The following ATP7B variants were observed in gnomAD, a reference collection of about 807,000 sequenced individuals.
ATP7B encodes the protein ATPase copper transporting beta.
In ATP7B, 113 loss-of-function variants were observed where a neutral mutation model predicts 118.9. That is an observed-to-expected ratio of 0.95 (90% confidence interval 0.82 to 1.11). The LOEUF is 1.11. ATP7B is among the 50% of genes most tolerant of loss of function. ATP7B has a pLI of 0.00. For missense variants in ATP7B, 1,867 were observed against 1,871.4 expected (o/e 1.00, Z 0.04); for synonymous variants, 777 against 727.4 (o/e 1.07, Z -1.10).
At chr13:51,992,854 T>G (rs1002773548) in intron 1 of ATP7B, among the ~76,000 whole-genome samples, 1 of 151,620 alleles carries the variant, frequency 6.6e-6, no homozygotes, top group Non-Finnish European at 1.5e-5. Context: ...GTCAGGTGCC[T>G]GTAGTCCCAG....
intron 2 of ATP7B, among the ~76,000 whole-genome samples, chr13:51,973,669 T>C (rs949149027): frequency 5.3e-5 from 8 of 152,214 alleles, no homozygotes; most frequent in African/African-American, 1.9e-4. Flanking sequence ...TCTTTATAAA[T>C]TACCCAAATT....
intron 9 of ATP7B, among the ~76,000 whole-genome samples, chr13:51,952,805 T>C (rs571598134): frequency 3.3e-5 from 5 of 152,350 alleles, no homozygotes; most frequent in Non-Finnish European, 5.9e-5. Flanking sequence ...ATGCTTAGTA[T>C]GGCACCTGTA....
chr13:51,959,912 T>C (rs1348997862), intron 7 of ATP7B: 3 of 561,138 alleles, frequency 5.3e-6, no homozygotes, highest in African/African-American at 1.9e-5. Context: ...TGCAATCAAC[T>C]GAAACTGACA....
intron 1 of ATP7B, among the ~76,000 whole-genome samples, chr13:52,008,739 CTCTGAAA>C (rs1444248080): frequency 6.6e-6 from 1 of 152,226 alleles, no homozygotes; most frequent in African/African-American, 2.4e-5. Flanking sequence ...TAGGCTACTT[CTCTGAAA>C]TCTGAATCAT....
chr13:51,960,157 G>C lies in ATP7B; in HGVS notation c.2112C>G (p.Thr704=). 1 of 1,613,890 alleles carries C rather than the reference G, an allele frequency of 6.2e-7. No homozygotes were observed. ...ACTTTCTCATATATACCTGGACAAA[G>C]GTACACAAGATAAAGAAGATGAGAT... ...ILNLIFFILC[T]FVQLLGGWYF... Residue 704 remains threonine (T), a synonymous_variant, in exon 7 of 21, where the codon ACC becomes ACG. Coordinates refer to ENST00000242839, the MANE Select transcript of ATP7B (RefSeq NM_000053.4).
chr13:51,987,879 C>T (rs908339921), intron 1 of ATP7B, among the ~76,000 whole-genome samples: 1 of 152,124 alleles, frequency 6.6e-6, no homozygotes, highest in African/African-American at 2.4e-5. Flanking sequence ...AAACTGGACC[C>T]CTTCCTTACA....
At chr13:51,943,905 A>T (rs1957489458) in intron 14 of ATP7B, among the ~76,000 whole-genome samples, 1 of 151,908 alleles carries the variant, frequency 6.6e-6, no homozygotes, top group Non-Finnish European at 1.5e-5. Flanking sequence ...AATGCCTGTG[A>T]CACTGAACTC....
chr13:52,011,736 G>A (rs749629764), upstream of ATP7B, among the ~76,000 whole-genome samples: 20 of 152,246 alleles, frequency 1.3e-4, no homozygotes, highest in Non-Finnish European at 2.2e-4. Flanking sequence ...TGCCGGCGCC[G>A]CAGGGCGGAG....
At position 52,011,431 on chromosome 13, in the gene ATP7B, G is replaced by A. The variant is rs1951159237; in HGVS notation, c.-94C>T. 6.4e-7 allele frequency: 1 copy of A among 1,551,732 alleles called. No homozygotes were observed. Among genetic ancestry groups the A allele is most frequent in the East Asian group, 2.3e-5 (1 of 43,878 alleles). On this transcript the variant is annotated 5_prime_UTR_variant, in exon 1 of 21. Transcript: ENST00000242839. ...AGAGCGGGGTGTTAAAGTCCCGGGA[G>A]AGGAGGCGCAGAGTGTGAGGGCATC...
chr13:51,974,594 G>C lies in ATP7B; in HGVS notation c.626C>G (p.Ala209Gly), dbSNP rs1952012729. 6.2e-7 allele frequency: 1 copy of C among 1,613,896 alleles called. No homozygotes were observed. Among genetic ancestry groups the C allele is most frequent in the Non-Finnish European group, 8.5e-7 (1 of 1,179,916 alleles). The part of the protein sequence containing the change: ...DHVNDMGFEA[A>G]IKSKVAPLSL... ...TAAGGGAGCCACTTTGCTCTTGATGGCAGCTTCAAATCCCATGTCATTTAC... is the reference window on the plus strand; with the variant it reads ...TAAGGGAGCCACTTTGCTCTTGATGCCAGCTTCAAATCCCATGTCATTTAC... Residue 209 changes from alanine (A) to glycine (G), a missense_variant, in exon 2 of 21, where the codon GCC (alanine) becomes GGC (glycine). Transcript: ENST00000242839.
rs556540478 is a variant in ATP7B at position 51,975,797 on chromosome 13, C to G, written c.52-629G>C. On this transcript the variant is annotated intron_variant, in intron 1 of 20. Coordinates refer to ENST00000242839, the MANE Select transcript of ATP7B (RefSeq NM_000053.4). ...GGTGGGCCACATGCCTGTGAAAAAG[C>G]TTTGGAGGTATGCTCCCTGGGCGAG... 9.2e-5 allele frequency among the ~76,000 whole-genome samples: 14 copies of G among 152,300 alleles called. No homozygotes were observed. The South Asian group carries it at 2.9e-3, about 32-fold the overall frequency.
At chr13:51,945,657 C>G (rs1222307077) in intron 13 of ATP7B, among the ~76,000 whole-genome samples, 1 of 152,230 alleles carries the variant, frequency 6.6e-6, no homozygotes, top group Non-Finnish European at 1.5e-5. Context: ...ACTCAGTCAG[C>G]TTTGCTATTT....
intron 1 of ATP7B, among the ~76,000 whole-genome samples, chr13:52,004,458 T>C (rs1953678050): frequency 6.6e-6 from 1 of 152,218 alleles, no homozygotes; most frequent in African/African-American, 2.4e-5. Flanking sequence ...TTCAGGTTCC[T>C]ATGTAAGCAA....
At chr13:52,012,093 G>C (rs1296975901), upstream of ATP7B, 9 of 515,106 alleles carry the variant, frequency 1.7e-5, no homozygotes, top group African/African-American at 5.8e-5. Context: ...GGCCGGGAAC[G>C]GGGGCGCAGG....
At chr13:51,938,977 G>A (rs1354123320) in intron 17 of ATP7B, 74 bp downstream of exon 17, 1 of 1,609,674 alleles carries the variant, frequency 6.2e-7, no homozygotes, top group Admixed American at 1.7e-5. Context: ...TCAGTGCTGG[G>A]CCAACTGGTG....
chr13:51,956,784 C>T (rs928252461), intron 9 of ATP7B, among the ~76,000 whole-genome samples: 2 of 152,124 alleles, frequency 1.3e-5, no homozygotes, highest in African/African-American at 4.8e-5. Flanking sequence ...AATACAGAAG[C>T]CTTAATTAGA....
At chr13:51,970,425 T>A in intron 3 of ATP7B, 67 bp downstream of exon 3, 1 of 1,605,504 alleles carries the variant, frequency 6.2e-7, no homozygotes, top group East Asian at 2.2e-5. Context: ...TTGCTGGGTA[T>A]TCTGAAGGGA....
Position 51,950,382 on chromosome 13 carries a change from A to AT in ATP7B, c.2464dup (p.Met822AsnfsTer32). 6.2e-7 allele frequency: 1 copy of AT among 1,614,064 alleles called. No homozygotes were observed. The highest frequency in any genetic ancestry group is 1.1e-5 in the South Asian group (1 of 91,062). ...GATATCGCCCCGCTGCACCAGCTCC[A>AT]TGGGGACTTGCTCCTCCCTGCAACA... is the stretch of plus-strand genomic sequence containing the variant. On this transcript the variant is annotated frameshift_variant, in exon 10 of 21. Coordinates refer to ENST00000242839, the MANE Select transcript of ATP7B (RefSeq NM_000053.4). LOFTEE classifies it high-confidence loss of function.
At position 51,958,561 on chromosome 13, in the gene ATP7B, G is replaced by C; in HGVS notation, c.2122-17C>G. ...ACCGAGGAGCTGAAAGACAAGGACA[G>C]TGAAGGCTGCCAGCAAGTAGGGAGG... On this transcript the variant is annotated splice_polypyrimidine_tract_variant and intron_variant, in intron 7 of 20. Coordinates refer to ENST00000242839, the MANE Select transcript of ATP7B (RefSeq NM_000053.4). The C allele has an allele frequency of 6.2e-7, 1 of 1,609,446 alleles. No homozygotes were observed. The highest frequency in any genetic ancestry group is 8.5e-7 in the Non-Finnish European group (1 of 1,175,746).
Sources: gnomAD v4.1 joint callset for allele counts (sites outside exome capture counted in the v4.1 genomes callset) on GRCh38, gnomAD v4.1.1 for gene constraint, MANE v1.5 for transcripts, NCBI Gene and HGNC (gene_info 2026-07-23, HGNC 2026-07-21) for gene names.